Variants in WNK2 observed in about 807,000 individuals in gnomAD.
The protein encoded by WNK2 is WNK lysine deficient protein kinase 2.
Under a neutral mutation model 192.1 loss-of-function variants are expected in WNK2, and 67 were observed. That is an observed-to-expected ratio of 0.35 (90% CI 0.29 to 0.43). WNK2 has a LOEUF of 0.43. Among genes scored for constraint, WNK2 ranks in the 20% least tolerant of loss-of-function variants. WNK2 has a pLI of 1.00. For missense variants in WNK2, 2,698 were observed against 3,089.7 expected (o/e 0.87, Z 3.01); for synonymous variants, 1,439 against 1,393.9 (o/e 1.03, Z -0.72).
At position 93,259,439 on chromosome 9, in the gene WNK2, C is replaced by T; in HGVS notation, c.2891C>T (p.Pro964Leu). The T allele has an allele frequency of 2.0e-5, 31 of 1,527,660 alleles. No individual in the cohort carries two copies. Among genetic ancestry groups the T allele is most frequent in the Non-Finnish European group, 2.6e-5 (30 of 1,132,612 alleles). 94.6% of individuals were successfully genotyped at this position (1,527,660 alleles called of 1,614,324 possible). A position where few individuals can be genotyped will look rare whatever the true frequency, so the allele number is the denominator to read the frequency against. Residue 964 changes from proline (P) to leucine (L), a missense_variant, in exon 12 of 30, where the codon CCT becomes CTT. Pro to Leu is a moderately conservative substitution (Grantham distance 98). Coordinates refer to ENST00000427277, the MANE Select transcript of WNK2 (RefSeq NM_006648.4). The surrounding 1 kb of genome is among the most constrained non-coding windows in gnomAD (Gnocchi z 4.8). ...CTGCCCCCGCAACCCACGCTGCCCC[C>T]TCAACCTGTGTTGCCCCCGCAACCC... ...PVLPPQPTLPPQPVLPPQPTR... is the reference protein window; with the variant it reads ...PVLPPQPTLPLQPVLPPQPTR...
chr9:93,278,285 GAA>G (rs1564153583), intron 19 of WNK2, among the ~76,000 whole-genome samples: 2 of 152,178 alleles, frequency 1.3e-5, no homozygotes, highest in African/African-American at 4.8e-5. Context: ...GCTGCGGAGA[GAA>G]GAGTCTGAAG....
intron 19 of WNK2, among the ~76,000 whole-genome samples, chr9:93,277,778 G>A (rs1483315534): frequency 6.6e-6 from 1 of 152,158 alleles, no homozygotes; most frequent in East Asian, 1.9e-4. Context: ...GGATACATGT[G>A]TGTCAAAACT....
intron 5 of WNK2, among the ~76,000 whole-genome samples, 177 bp downstream of exon 5, chr9:93,235,142 C>T (rs1839581562): frequency 6.6e-6 from 1 of 152,202 alleles, no homozygotes; most frequent in Admixed American, 6.5e-5. Context: ...GAAACTGAGG[C>T]TTAGTAGCGG....
chr9:93,195,502 C>T (rs1394545878), intron 2 of WNK2, among the ~76,000 whole-genome samples: 1 of 151,864 alleles, frequency 6.6e-6, no homozygotes, highest in Non-Finnish European at 1.5e-5. Context: ...AGTTTGAGAC[C>T]AGCCTGGCCA....
Position 93,297,924 on chromosome 9 carries a change from G to T in WNK2, c.5780G>T (p.Gly1927Val). ...QEIEALYRRL[G>V]KPLPPNVGFF... Reference sequence around the variant, plus strand: ...ATCGAAGCTCTGTACCGCCGCCTGGGCAAGCCACTGCCCCCCAACGTGGGC... The same window carrying T: ...ATCGAAGCTCTGTACCGCCGCCTGGTCAAGCCACTGCCCCCCAACGTGGGC... The change falls in exon 24 of 30, where the codon GGC becomes GTC. Residue 1927 changes from glycine to valine, a missense_variant. Around this residue, in one of 7 missense-constraint regions of WNK2, gnomAD observed 1,098 missense variants for 1,101.0 expected, o/e 1.00. Coordinates refer to ENST00000427277, the MANE Select transcript of WNK2 (RefSeq NM_006648.4). The T allele has an allele frequency of 6.3e-7, 1 of 1,588,468 alleles. No individual in the cohort carries two copies. Among genetic ancestry groups the T allele is most frequent in the Non-Finnish European group, 8.6e-7 (1 of 1,169,134 alleles).
intron 19 of WNK2, among the ~76,000 whole-genome samples, chr9:93,279,234 A>G (rs1409702440): frequency 1.3e-5 from 2 of 152,260 alleles, no homozygotes; most frequent in Non-Finnish European, 2.9e-5. Flanking sequence ...AATCCCCAAC[A>G]CAACTAGAAT....
In WNK2 at chr9:93,229,239, C is replaced by T. The variant is rs1281370154; in HGVS notation, c.682-457C>T. Among the ~76,000 whole-genome samples the T allele has an allele frequency of 6.6e-6, 1 of 152,138 alleles. No individual in the cohort carries two copies. Among genetic ancestry groups the T allele is most frequent in the Non-Finnish European group, 1.5e-5 (1 of 68,032 alleles). On this transcript the variant is annotated intron_variant, in intron 2 of 29. Transcript: ENST00000427277. This position sits in a 1 kb window ranked among gnomAD's most constrained non-coding sequence, Gnocchi z 4.9. ...AGGGCTTTTCTCTTCCCTCCATTCT[C>T]AGCTCTTATCTCAGTCACCTGTCCA...
intron 26 of WNK2, among the ~76,000 whole-genome samples, chr9:93,302,367 C>T (rs1044231781): frequency 5.9e-5 from 9 of 151,858 alleles, no homozygotes; most frequent in South Asian, 2.1e-4. Context: ...ACCGAGGGGT[C>T]GGGGGTCGCG....
At chr9:93,222,999 A>G (rs4744195) in intron 2 of WNK2, among the ~76,000 whole-genome samples, 63,666 of 152,134 alleles carry the variant, frequency 0.42, 14,693 homozygotes, top group Admixed American at 0.52. Flanking sequence ...TCTTTTTAAA[A>G]TCATGAATTA....
At position 93,317,545 on chromosome 9, in the gene WNK2, G is replaced by A. The variant is rs1420385695; in HGVS notation, c.6542G>A (p.Gly2181Glu). ...ATGACCGCACCTCGAGCAGGAGTGG[G>A]GATGCCACGTCTGCCCCCAGCGCCC... ...RAMTAPRAGV[G>E]MPRLPPAPGP... Residue 2181 changes from glycine to glutamate, a missense_variant, in exon 29 of 30, where the codon GGG (glycine) becomes GAG (glutamate). Coordinates refer to ENST00000427277, the MANE Select transcript of WNK2 (RefSeq NM_006648.4). The A allele has an allele frequency of 6.2e-7, 1 of 1,613,582 alleles. No individual in the cohort carries two copies.
intron 2 of WNK2, among the ~76,000 whole-genome samples, chr9:93,215,292 A>G (rs937269197): frequency 5.3e-5 from 8 of 151,996 alleles, no homozygotes; most frequent in African/African-American, 1.9e-4. Flanking sequence ...TTGCATATTT[A>G]GTAGAGACAG....
chr9:93,225,662 A>G (rs1267566377), intron 2 of WNK2, among the ~76,000 whole-genome samples: 1 of 152,224 alleles, frequency 6.6e-6, no homozygotes, highest in African/African-American at 2.4e-5. Context: ...TGAAACTACA[A>G]TGAAATCTTT....
At chr9:93,276,388 GA>G (rs1161589838) in intron 19 of WNK2, among the ~76,000 whole-genome samples, 1 of 152,180 alleles carries the variant, frequency 6.6e-6, no homozygotes, top group East Asian at 1.9e-4. Flanking sequence ...TCCTTATGCA[GA>G]AAAATGAACC....
At chr9:93,217,990 G>GC (rs1320975014) in intron 2 of WNK2, among the ~76,000 whole-genome samples, 2 of 122,888 alleles carry the variant, frequency 1.6e-5, no homozygotes, top group African/African-American at 3.1e-5. Flanking sequence ...CTTCCTCATT[G>GC]CCCAGAGCTA....
chr9:93,238,058 G>C (rs1214764598), intron 5 of WNK2, among the ~76,000 whole-genome samples, 175 bp from the exon 6 acceptor site: 2 of 152,146 alleles, frequency 1.3e-5, no homozygotes, highest in Non-Finnish European at 2.9e-5. Context: ...GCCCGCATTT[G>C]GCTCTGCCCT....
chr9:93,232,951 A>AT (rs1839092764), intron 4 of WNK2, among the ~76,000 whole-genome samples: 1 of 96,406 alleles, frequency 1.0e-5, no homozygotes, highest in African/African-American at 4.1e-5. Flanking sequence ...ATGTAGTGAG[A>AT]TCCCTGTCTC....
chr9:93,279,734 G>A (rs1009438958), intron 19 of WNK2, among the ~76,000 whole-genome samples: 8 of 152,166 alleles, frequency 5.3e-5, no homozygotes, highest in African/African-American at 1.9e-4. Flanking sequence ...AAATGAAATA[G>A]TCTGGAAATC....
rs771939525 is a variant in WNK2, at chr9:93,239,724, C to A, written c.1323-33C>A. 8.5e-6 allele frequency: 13 copies of A among 1,533,672 alleles called. No individual in the cohort carries two copies. The highest frequency in any genetic ancestry group is 2.1e-4 in the Middle Eastern group (1 of 4,652). ...GCCTGGGCATGGAGGCCCTGGCGCCCGTGCCCCTGCCTGTCAGCTGCTCTC... is the reference window on the plus strand; with the variant it reads ...GCCTGGGCATGGAGGCCCTGGCGCCAGTGCCCCTGCCTGTCAGCTGCTCTC... On this transcript the variant is annotated intron_variant, in intron 6 of 29. Transcript: ENST00000427277. This position sits in a 1 kb window ranked among gnomAD's most constrained non-coding sequence, Gnocchi z 4.2.
At chr9:93,311,234 A>G (rs1187391711) in intron 28 of WNK2, among the ~76,000 whole-genome samples, 1 of 152,164 alleles carries the variant, frequency 6.6e-6, no homozygotes, top group African/African-American at 2.4e-5. Flanking sequence ...TCCATGTTGT[A>G]GCATGTCCGA....
Sources: allele counts gnomAD v4.1 joint callset (sites outside exome capture counted in the v4.1 genomes callset), GRCh38; gene constraint gnomAD v4.1.1; regional missense constraint gnomAD v4.1.1; non-coding constraint Gnocchi (gnomAD v3.1); transcripts MANE v1.5; gene names NCBI Gene and HGNC (gene_info 2026-07-23, HGNC 2026-07-21).